Variants in CHL1 observed in about 807,000 individuals in gnomAD.
CHL1 encodes cell adhesion molecule L1 like.
Under a neutral mutation model 141.9 loss-of-function variants are expected in CHL1, and 96 were observed. The ratio of observed to expected loss-of-function variants is 0.68; its 90% CI spans 0.57 to 0.80. CHL1 has a LOEUF of 0.80. Among genes scored for constraint, CHL1 ranks in the 30% least tolerant of loss-of-function variants. CHL1 has a pLI of 0.00. For synonymous variants in CHL1, 613 were observed against 502.2 expected, an observed-to-expected ratio of 1.22 and a Z score of -2.95; for missense variants, 1,820 against 1,457.2, an observed-to-expected ratio of 1.25 and a Z score of -4.05.
chr3:255,513 G>GTA (rs72571119), intron 2 of CHL1, among the ~76,000 whole-genome samples: 2 of 149,166 alleles, frequency 1.3e-5, no homozygotes, highest in East Asian at 4.1e-4. Flanking sequence ...GTGTGTGTGT[G>GTA]TATACATACA....
intron 16 of CHL1, among the ~76,000 whole-genome samples, chr3:379,194 T>C (rs560679988): frequency 3.3e-4 from 50 of 151,972 alleles, no homozygotes; most frequent in African/African-American, 9.6e-4. Flanking sequence ...GAGAGACTGA[T>C]AAAAAAATGG....
chr3:249,382 G>A (rs1473353301), intron 2 of CHL1, among the ~76,000 whole-genome samples: 1 of 151,672 alleles, frequency 6.6e-6, no homozygotes, highest in African/African-American at 2.4e-5. Context: ...CCACCCTAAA[G>A]GAGGGAAAAA....
rs467159 is a variant in CHL1 at position 222,627 on chromosome 3, T to A, written c.-174-21986T>A. ...ACTTGTAAATGATTTGGAAGTTGAA[T>A]GAACTTCAGAGACAGGCACTATTTT... On this transcript the variant is annotated intron_variant, in intron 1 of 27. Transcript: ENST00000256509. 2.7e-4 allele frequency among the ~76,000 whole-genome samples: 41 copies of A among 152,306 alleles called. 1 individual carries two copies. In the South Asian group the frequency reaches 8.3e-3, roughly 31 times the overall value.
intron 1 of CHL1, among the ~76,000 whole-genome samples, chr3:210,497 C>T (rs1286683907): frequency 6.6e-6 from 1 of 152,206 alleles, no homozygotes; most frequent in African/African-American, 2.4e-5. Context: ...GCCCCTCTTT[C>T]TGTCCAAGTA....
chr3:326,078 C>G lies in CHL1; in HGVS notation c.197+14C>G. On this transcript the variant is annotated intron_variant, in intron 4 of 27. Coordinates refer to ENST00000256509, the MANE Select transcript of CHL1 (RefSeq NM_006614.4). ...TCCAGAACCAACGTGAGTATTGTTT[C>G]AAACGAAGTGGTTCTTTAAATGCGT... 2.0e-6 allele frequency: 3 copies of G among 1,516,548 alleles called. No individual in the cohort carries two copies. The highest frequency in any genetic ancestry group is 2.7e-6 in the Non-Finnish European group (3 of 1,093,818). The allele number at this position is 1,516,548 out of a possible 1,614,324, so 93.9% of individuals were successfully genotyped here.
chr3:229,040 G>T (rs538396589), intron 1 of CHL1, among the ~76,000 whole-genome samples: 6 of 152,296 alleles, frequency 3.9e-5, no homozygotes, highest in African/African-American at 1.4e-4. Flanking sequence ...GTGCATTGCT[G>T]ATAGGTTAGT....
intron 1 of CHL1, among the ~76,000 whole-genome samples, chr3:210,280 C>T (rs2124897352): frequency 6.6e-6 from 1 of 152,364 alleles, no homozygotes; most frequent in South Asian, 2.1e-4. Flanking sequence ...TAAACAGTAA[C>T]TTCAAACAAC....
chr3:257,353 CTTT>C (rs35247275), intron 2 of CHL1, among the ~76,000 whole-genome samples: 6 of 137,134 alleles, frequency 4.4e-5, no homozygotes, highest in African/African-American at 5.5e-5. Flanking sequence ...TTTTCTTCTT[CTTT>C]TTTTTTTTTT....
intron 9 of CHL1, among the ~76,000 whole-genome samples, chr3:346,917 T>C (rs1211380584): frequency 6.6e-6 from 1 of 152,218 alleles, no homozygotes; most frequent in East Asian, 1.9e-4. Context: ...TCTAATTGTC[T>C]AATACATTTT....
At chr3:319,360 T>C (rs147824625) in intron 2 of CHL1, among the ~76,000 whole-genome samples, 1 of 151,666 alleles carries the variant, frequency 6.6e-6, no homozygotes. Flanking sequence ...CAAAGTTACC[T>C]CCTGAATCTA....
Position 391,681 on chromosome 3 carries a change from A to C in CHL1, c.2798A>C (p.Glu933Ala). The C allele has an allele frequency of 1.2e-6, 2 of 1,603,398 alleles. No homozygotes were observed. Among genetic ancestry groups the C allele is most frequent in the Non-Finnish European group, 1.7e-6 (2 of 1,175,124 alleles). Residue 933 changes from glutamate (E) to alanine (A), a missense_variant, in exon 23 of 28, where the codon GAA (glutamate) becomes GCA (alanine). Coordinates refer to ENST00000256509, the MANE Select transcript of CHL1 (RefSeq NM_006614.4). Reference sequence around the variant, plus strand: ...TTGGTCTTGTGTTTTCTAGTACCTGAACAGCCAACTTTTCTAAAGGTCATC... The same window carrying C: ...TTGGTCTTGTGTTTTCTAGTACCTGCACAGCCAACTTTTCTAAAGGTCATC... ...YIFQTPEGVPEQPTFLKVIKV... is the reference protein window; with the variant it reads ...YIFQTPEGVPAQPTFLKVIKV...
At chr3:305,063 A>T (rs985758856) in intron 2 of CHL1, among the ~76,000 whole-genome samples, 1 of 152,146 alleles carries the variant, frequency 6.6e-6, no homozygotes, top group Non-Finnish European at 1.5e-5. Flanking sequence ...TGCATGCCAA[A>T]CCATAACATT....
At chr3:303,571 C>G (rs1464738100) in intron 2 of CHL1, among the ~76,000 whole-genome samples, 1 of 152,122 alleles carries the variant, frequency 6.6e-6, no homozygotes, top group Non-Finnish European at 1.5e-5. Context: ...GTGATTTTTG[C>G]ACGTTGATTT....
At chr3:338,356 T>A (rs1307297857) in intron 5 of CHL1, among the ~76,000 whole-genome samples, 2 of 152,232 alleles carry the variant, frequency 1.3e-5, no homozygotes, top group Non-Finnish European at 2.9e-5. Flanking sequence ...TTTAAAAATA[T>A]TACTGTTGTC....
chr3:200,352 A>G (rs1169577542), intron 1 of CHL1, among the ~76,000 whole-genome samples: 2 of 152,140 alleles, frequency 1.3e-5, no homozygotes, highest in Admixed American at 6.6e-5. Flanking sequence ...GAATTTGGGG[A>G]CCTAATTGAA....
chr3:291,461 T>A (rs893208037), intron 2 of CHL1, among the ~76,000 whole-genome samples: 2 of 149,512 alleles, frequency 1.3e-5, no homozygotes, highest in Non-Finnish European at 3.0e-5. Context: ...TTTTTCTTTT[T>A]CTTTTTTTTA....
At chr3:348,863 C>G (rs527989744) in intron 9 of CHL1, among the ~76,000 whole-genome samples, 9 of 152,298 alleles carry the variant, frequency 5.9e-5, no homozygotes, top group Middle Eastern at 3.4e-3. Flanking sequence ...CACGCAGGAG[C>G]CCCATTCTCC....
intron 2 of CHL1, among the ~76,000 whole-genome samples, chr3:314,885 G>A (rs1246065712): frequency 6.6e-6 from 1 of 152,132 alleles, no homozygotes; most frequent in African/African-American, 2.4e-5. Context: ...TACAGAGAGT[G>A]TGACCACAAA....
In CHL1 at chr3:408,058, A is replaced by T. The variant is rs1559372610; in HGVS notation, c.*2347A>T. ...TTTTAATTGTGAAATTATATGATTCATATATTTTATGAATCAGAATAACCT... is the reference window on the plus strand; with the variant it reads ...TTTTAATTGTGAAATTATATGATTCTTATATTTTATGAATCAGAATAACCT... On this transcript the variant is annotated 3_prime_UTR_variant, in exon 28 of 28. Transcript: ENST00000256509. 1 of 152,150 alleles carries T rather than the reference A, an allele frequency of 6.6e-6. No homozygotes were observed. Among genetic ancestry groups the T allele is most frequent in the African/African-American group, 2.4e-5 (1 of 41,444 alleles). The allele number at this position is 152,150 out of a possible 1,614,324, so 9.4% of individuals were successfully genotyped here.
Sources: allele counts gnomAD v4.1 joint callset (sites outside exome capture counted in the v4.1 genomes callset), GRCh38; gene constraint gnomAD v4.1.1; transcripts MANE v1.5; gene names NCBI Gene and HGNC (gene_info 2026-07-23, HGNC 2026-07-21).